Variants in RNPEP observed in about 807,000 individuals in gnomAD.
The protein encoded by RNPEP is aminopeptidase B.
RNPEP carries 57 observed loss-of-function variants against 70.1 expected under a neutral mutation model. The ratio of observed to expected loss-of-function variants is 0.81; its 90% CI spans 0.66 to 1.01. The LOEUF (loss-of-function observed/expected upper bound fraction) is 1.01, where lower values mean the gene tolerates loss of function less well. RNPEP is among the 50% of genes least tolerant of loss of function. RNPEP has a pLI of 0.00. For synonymous variants in RNPEP, 335 were observed against 357.4 expected, an observed-to-expected ratio of 0.94 and a Z score of 0.71; for missense variants, 787 against 852.4, an observed-to-expected ratio of 0.92 and a Z score of 0.96.
At chr1:201,991,185 G>C (rs556934710) in intron 3 of RNPEP, among the ~76,000 whole-genome samples, 10 of 152,200 alleles carry the variant, frequency 6.6e-5, no homozygotes, top group African/African-American at 2.4e-4. Flanking sequence ...CGCGATCTTG[G>C]CTCACCACAA....
chr1:201,988,457 CA>C (rs142459545), intron 1 of RNPEP, among the ~76,000 whole-genome samples: 11,491 of 114,106 alleles, frequency 0.1, 850 homozygotes, highest in African/African-American at 0.23. Context: ...TACTCTGTCT[CA>C]AAAAAAAAAA....
intron 3 of RNPEP, among the ~76,000 whole-genome samples, chr1:201,995,020 G>A (rs544502112): frequency 6.6e-6 from 1 of 152,108 alleles, no homozygotes; most frequent in South Asian, 2.1e-4. Flanking sequence ...AGTTCTAAGC[G>A]CAGCCAGGGG....
At chr1:202,005,523 A>G (rs1571653650) in intron 10 of RNPEP, 35 bp from the exon 11 acceptor site, 1 of 1,608,400 alleles carries the variant, frequency 6.2e-7, no homozygotes, top group Admixed American at 1.7e-5. Flanking sequence ...CCACCAGGCA[A>G]GCTTCTTAGG....
At chr1:201,983,964 ACT>A (rs1196779438) in intron 1 of RNPEP, 1 of 809,782 alleles carries the variant, frequency 1.2e-6, no homozygotes, top group African/African-American at 1.9e-5. Context: ...GCAGAGTCTC[ACT>A]CTCGTCCAGG....
chr1:202,002,883 G>A (rs977773880), intron 8 of RNPEP, among the ~76,000 whole-genome samples: 1 of 152,168 alleles, frequency 6.6e-6, no homozygotes, highest in South Asian at 2.1e-4. Context: ...TAATGACAGA[G>A]CAGGGGTAGG....
chr1:201,992,323 A>C (rs937099600), intron 3 of RNPEP, among the ~76,000 whole-genome samples: 1 of 152,040 alleles, frequency 6.6e-6, no homozygotes, highest in Admixed American at 6.6e-5. Flanking sequence ...ATGAGCCACA[A>C]CACCAACCTT....
rs749219973 is a variant in RNPEP at position 201,997,505 on chromosome 1, T to C, written c.1041T>C (p.Asn347=). The change falls in exon 5 of 11, where the codon AAT becomes AAC. Residue 347 remains asparagine, a synonymous_variant. Coordinates refer to ENST00000295640, the MANE Select transcript of RNPEP (RefSeq NM_020216.4). ...CCAACTGGGGTGAATTCTGGCTCAA[T>C]GAAGGTTTCACCATGTACGCCCAGA... is the stretch of plus-strand genomic sequence containing the variant. ...TNANWGEFWL[N]EGFTMYAQRR... 8.1e-6 allele frequency: 13 copies of C among 1,614,092 alleles called. No homozygotes were observed. In the Admixed American group the frequency reaches 2.2e-4, roughly 27 times the overall value.
rs562333169 is a variant in RNPEP at position 201,996,858 on chromosome 1, G to A, written c.855-461G>A. Among the ~76,000 whole-genome samples, 5 of 152,214 alleles carry A rather than the reference G, an allele frequency of 3.3e-5. No homozygotes were observed. In the East Asian group the frequency reaches 5.8e-4, roughly 18 times the overall value. ...GCCAAGTTTGAGATGGGGCAGCACC[G>A]TCAAGGTCCTTTGTTGACCTGTGTT... On this transcript the variant is annotated intron_variant, in intron 4 of 10. Coordinates refer to ENST00000295640, the MANE Select transcript of RNPEP (RefSeq NM_020216.4).
At chr1:201,992,618 C>T (rs562120718) in intron 3 of RNPEP, among the ~76,000 whole-genome samples, 8 of 152,198 alleles carry the variant, frequency 5.3e-5, no homozygotes, top group African/African-American at 1.9e-4. Flanking sequence ...AGTCAAGACC[C>T]TCCTGACTGG....
chr1:201,983,125 C>G lies in RNPEP; in HGVS notation c.447+12C>G. Reference sequence around the variant, plus strand: ...GGGAGGGACCCGGGGTGAGTGCGCCCCAGACTGCGCCCGCCGCTGCCTGCC... The same window carrying G: ...GGGAGGGACCCGGGGTGAGTGCGCCGCAGACTGCGCCCGCCGCTGCCTGCC... On this transcript the variant is annotated intron_variant, in intron 1 of 10. Coordinates refer to ENST00000295640, the MANE Select transcript of RNPEP (RefSeq NM_020216.4). 1 of 1,445,242 alleles carries G rather than the reference C, an allele frequency of 6.9e-7. No individual in the cohort carries two copies. Among genetic ancestry groups the G allele is most frequent in the African/African-American group, 1.5e-5 (1 of 68,578 alleles). 89.5% of individuals were successfully genotyped at this position (1,445,242 alleles called of 1,614,324 possible). A position where few individuals can be genotyped will look rare whatever the true frequency, so the allele number is the denominator to read the frequency against.
At chr1:201,993,823 C>T (rs955287436) in intron 3 of RNPEP, among the ~76,000 whole-genome samples, 1 of 152,100 alleles carries the variant, frequency 6.6e-6, no homozygotes, top group African/African-American at 2.4e-5. Flanking sequence ...TCCATATTCT[C>T]TTCTGGCACG....
chr1:201,998,193 A>G (rs1164305854), intron 5 of RNPEP, among the ~76,000 whole-genome samples: 2 of 150,842 alleles, frequency 1.3e-5, no homozygotes, highest in Non-Finnish European at 2.9e-5. Context: ...GATTTCAACA[A>G]TGATAAATTC....
At position 201,982,704 on chromosome 1, in the gene RNPEP, C is replaced by G; in HGVS notation, c.38C>G (p.Ala13Gly). ...SGEHSPGSGA[A>G]RRPLHSAQAV... Reference sequence around the variant, plus strand: ...GAGCATTCCCCCGGCAGCGGCGCGGCCCGGCGGCCGCTGCACTCCGCGCAG... The same window carrying G: ...GAGCATTCCCCCGGCAGCGGCGCGGGCCGGCGGCCGCTGCACTCCGCGCAG... The change falls in exon 1 of 11, where the codon GCC (alanine) becomes GGC (glycine). Residue 13 changes from alanine to glycine, a missense_variant. By Grantham distance (60) the Ala-to-Gly change is moderately conservative. Coordinates refer to ENST00000295640, the MANE Select transcript of RNPEP (RefSeq NM_020216.4). 1 of 1,398,116 alleles carries G rather than the reference C, an allele frequency of 7.2e-7. No individual in the cohort carries two copies. The highest frequency in any genetic ancestry group is 3.1e-5 in the Admixed American group (1 of 32,658). The allele number at this position is 1,398,116 out of a possible 1,614,324, so 86.6% of individuals were successfully genotyped here.
chr1:202,004,391 C>G lies in RNPEP; in HGVS notation c.1689C>G (p.Ile563Met), dbSNP rs1163921183. 2 of 1,614,042 alleles carry G rather than the reference C, an allele frequency of 1.2e-6. No homozygotes were observed. Among genetic ancestry groups the G allele is most frequent in the Non-Finnish European group, 1.7e-6 (2 of 1,180,022 alleles). The part of the protein sequence containing the change: ...VKKLGDTYPS[I>M]SNARNAELRL... Reference sequence around the variant, plus strand: ...AACTTGGAGACACATACCCAAGTATCTCAAATGCCCGGAATGCAGAGCTCC... The same window carrying G: ...AACTTGGAGACACATACCCAAGTATGTCAAATGCCCGGAATGCAGAGCTCC... The change falls in exon 10 of 11, where the codon ATC becomes ATG. Residue 563 changes from isoleucine to methionine, a missense_variant. Coordinates refer to ENST00000295640, the MANE Select transcript of RNPEP (RefSeq NM_020216.4).
At chr1:202,001,255 T>TC in intron 6 of RNPEP, 121 bp from the exon 7 acceptor site, 2 of 696,564 alleles carry the variant, frequency 2.9e-6, no homozygotes, top group African/African-American at 1.8e-5. Context: ...GGCCTTGCTG[T>TC]CCCTGGGGAA....
At chr1:201,990,386 A>G (rs1027741177) in intron 3 of RNPEP, among the ~76,000 whole-genome samples, 4 of 152,260 alleles carry the variant, frequency 2.6e-5, no homozygotes, top group Admixed American at 2.6e-4. Context: ...GATCTTGTGA[A>G]GATAAAAAGG....
At position 201,999,216 on chromosome 1, in the gene RNPEP, CAAAA is replaced by C. The variant is rs57370049; in HGVS notation, c.1091-673_1091-670del. On this transcript the variant is annotated intron_variant, in intron 5 of 10. Coordinates refer to ENST00000295640, the MANE Select transcript of RNPEP (RefSeq NM_020216.4). ...TGGGCAACAGAGCGAGACTCTGTCT[CAAAA>C]AAAAAAAAAAAATCAAATCATTTTC... Among the ~76,000 whole-genome samples, 4 of 117,670 alleles carry C rather than the reference CAAAA, an allele frequency of 3.4e-5. No homozygotes were observed. The South Asian group carries it at 8.2e-4, about 24-fold the overall frequency. The allele number at this position is 117,670 out of a possible 152,430, so 77.2% of individuals were successfully genotyped here. A position where few individuals can be genotyped will look rare whatever the true frequency, so the allele number is the denominator to read the frequency against.
intron 8 of RNPEP, 120 bp downstream of exon 8, chr1:202,001,887 G>A (rs978782649): frequency 3.4e-5 from 23 of 670,506 alleles, no homozygotes; most frequent in African/African-American, 7.2e-5. Context: ...AGGTAGGGGC[G>A]TTTTGGGAAG....
At position 201,989,531 on chromosome 1, in the gene RNPEP, G is replaced by T. The variant is rs754612126; in HGVS notation, c.737G>T (p.Arg246Met). 5.6e-6 allele frequency: 9 copies of T among 1,614,136 alleles called. No individual in the cohort carries two copies. In the South Asian group the frequency reaches 8.8e-5, roughly 16 times the overall value. The change falls in exon 3 of 11, where the codon AGG becomes ATG. Residue 246 changes from arginine (R) to methionine (M), a missense_variant and splice_region_variant. By Grantham distance (91) the Arg-to-Met change is moderately conservative. Transcript: ENST00000295640. ...GDLVSAEVGP[R>M]SRVWAEPCLI... The stretch of plus-strand genomic sequence containing the variant: ...CTGGTTTCGGCTGAAGTTGGACCCA[G>T]GTAGGAGACAAAGACCCCACAGGCA...
Sources: allele counts gnomAD v4.1 joint callset (sites outside exome capture counted in the v4.1 genomes callset), GRCh38; gene constraint gnomAD v4.1.1; transcripts MANE v1.5; gene names NCBI Gene and HGNC (gene_info 2026-07-23, HGNC 2026-07-21).